Variants in DNAH3 observed in about 807,000 individuals in gnomAD.
The protein encoded by DNAH3 is dynein axonemal heavy chain 3.
In DNAH3, 332 loss-of-function variants were observed where a neutral mutation model predicts 432.5. The observed-to-expected ratio is 0.77, with a 90% confidence interval of 0.70 to 0.84. The LOEUF is 0.84. Ranked by LOEUF, DNAH3 falls within the 40% of genes least tolerant of loss-of-function variation. The probability of loss-of-function intolerance (pLI) is 0.00; values close to 1 mark genes in which losing one functional copy is unlikely to be tolerated. For missense variants in DNAH3, 4,861 were observed against 5,114.0 expected, an observed-to-expected ratio of 0.95 and a Z score of 1.51; for synonymous variants, 1,956 against 1,900.2, an observed-to-expected ratio of 1.03 and a Z score of -0.76.
Position 21,070,766 on chromosome 16 carries a change from T to A in DNAH3, c.3145A>T (p.Lys1049Ter). Residue 1049 changes from lysine (K) to a stop codon, truncating the protein, a stop_gained, in exon 22 of 62, where the codon AAG (lysine) becomes TAG (stop). Transcript: ENST00000261383. LOFTEE classifies it high-confidence loss of function. ...GGGGAGCCACACATGGTCTGGGTCT[T>A]TATCACGTGATCATCAAGTAGCATT... 6.2e-7 allele frequency: 1 copy of A among 1,613,714 alleles called. No individual in the cohort carries two copies. Among genetic ancestry groups the A allele is most frequent in the Non-Finnish European group, 8.5e-7 (1 of 1,179,626 alleles).
At chr16:20,985,285 C>T (rs2086134590) in exon 48 of DNAH3, 2 of 1,614,202 alleles carry the variant, frequency 1.2e-6, no homozygotes, top group Non-Finnish European at 1.7e-6. Context: ...GAACACGGTG[C>T]TCTTGGTGGC....
chr16:20,973,928 T>G (rs1597014498), intron 51 of DNAH3, among the ~76,000 whole-genome samples: 1 of 152,274 alleles, frequency 6.6e-6, no homozygotes, highest in African/African-American at 2.4e-5. Flanking sequence ...GTGCGGCTTA[T>G]GATTATTTAA....
At chr16:21,022,780 T>C (rs1693788882) in intron 39 of DNAH3, among the ~76,000 whole-genome samples, 2 of 151,970 alleles carry the variant, frequency 1.3e-5, no homozygotes, top group African/African-American at 4.8e-5. Flanking sequence ...AGTTTTGTTC[T>C]GTCACCAAGG....
At chr16:20,987,282 A>G in intron 47 of DNAH3, 23 bp downstream of exon 47, 1 of 1,612,254 alleles carries the variant, frequency 6.2e-7, no homozygotes, top group Middle Eastern at 1.7e-4. Flanking sequence ...TCTGAGGTCA[A>G]ATGATCACAG....
chr16:21,060,142 C>T (rs2090292627), intron 26 of DNAH3, 122 bp downstream of exon 26: 2 of 747,382 alleles, frequency 2.7e-6, no homozygotes, highest in South Asian at 3.2e-5. Context: ...AAGAGAGGTG[C>T]AGAGGGACAG....
intron 52 of DNAH3, among the ~76,000 whole-genome samples, chr16:20,968,700 A>C: frequency 6.8e-6 from 1 of 147,530 alleles, no homozygotes. Context: ...CTTCCTCTCC[A>C]TTGCCGTCTC....
chr16:21,143,044 A>G (rs1274664172), intron 3 of DNAH3, among the ~76,000 whole-genome samples: 2 of 152,234 alleles, frequency 1.3e-5, no homozygotes, highest in African/African-American at 2.4e-5. Context: ...AAGCAAGGAC[A>G]TGAATAACAG....
intron 14 of DNAH3, among the ~76,000 whole-genome samples, chr16:21,111,413 C>A (rs2092067948): frequency 6.6e-6 from 1 of 152,168 alleles, no homozygotes; most frequent in Non-Finnish European, 1.5e-5. Context: ...AACAAATGCC[C>A]TCCACCCGCC....
chr16:21,068,325 T>TGGGC (rs1251536368), intron 23 of DNAH3, among the ~76,000 whole-genome samples: 1 of 76,606 alleles, frequency 1.3e-5, no homozygotes. Context: ...TTTTTTTGGG[T>TGGGC]GGGGGGGGGG....
rs971926730 is a variant in DNAH3 at position 20,963,177 on chromosome 16, C to T, written c.10600+107G>A. ...CACCTCAGCCTATGAACCACCTGGC[C>T]TTCAAAGCCATCTGAACTTGAGATC... On this transcript the variant is annotated intron_variant, in intron 53 of 61. Coordinates refer to ENST00000261383, the Ensembl canonical transcript of DNAH3. 3 of 1,152,408 alleles carry T rather than the reference C, an allele frequency of 2.6e-6. No homozygotes were observed. The African/African-American group carries it at 4.7e-5, about 18-fold the overall frequency. 71.4% of individuals were successfully genotyped at this position (1,152,408 alleles called of 1,614,324 possible).
intron 58 of DNAH3, among the ~76,000 whole-genome samples, chr16:20,942,069 TAA>T (rs66695399): frequency 3.4e-4 from 42 of 125,022 alleles, no homozygotes; most frequent in Non-Finnish European, 2.8e-4. Context: ...GTCTAAAAGT[TAA>T]AAAAAAAAAA....
chr16:20,987,376 CCTT>C (rs770061639), exon 47 of DNAH3: 15 of 1,614,068 alleles, frequency 9.3e-6, no homozygotes, highest in Middle Eastern at 1.6e-4. Context: ...TGTCTGTCCT[CCTT>C]GTCAATCAGA....
intron 25 of DNAH3, among the ~76,000 whole-genome samples, chr16:21,061,812 A>G (rs2090371137): frequency 6.6e-6 from 1 of 152,218 alleles, no homozygotes; most frequent in South Asian, 2.1e-4. Flanking sequence ...GGAAATTCAA[A>G]TATGCCCCAA....
At chr16:20,983,268 G>C (rs1034780927) in intron 48 of DNAH3, among the ~76,000 whole-genome samples, 4 of 152,212 alleles carry the variant, frequency 2.6e-5, no homozygotes, top group South Asian at 2.1e-4. Flanking sequence ...TGGGACTATA[G>C]GCACCCACCA....
In DNAH3 at chr16:20,969,786, A is replaced by C; in HGVS notation, c.8458+6T>G. On this transcript the variant is annotated splice_donor_region_variant and intron_variant, in intron 52 of 61. Transcript: ENST00000261383. ...TGTGCAGGCATCTGGGTGGGGTGGCACTTACCGGAGCCACTGGGGTCTGGC... is the reference window on the plus strand; with the variant it reads ...TGTGCAGGCATCTGGGTGGGGTGGCCCTTACCGGAGCCACTGGGGTCTGGC... The C allele has an allele frequency of 6.2e-7, 1 of 1,613,982 alleles. No individual in the cohort carries two copies. The highest frequency in any genetic ancestry group is 8.5e-7 in the Non-Finnish European group (1 of 1,179,966).
chr16:20,940,109 G>A (rs900946001), intron 59 of DNAH3, among the ~76,000 whole-genome samples: 2 of 152,112 alleles, frequency 1.3e-5, no homozygotes, highest in Admixed American at 1.3e-4. Flanking sequence ...TTCACATATT[G>A]GATAAGTACA....
intron 42 of DNAH3, among the ~76,000 whole-genome samples, chr16:21,001,251 C>T (rs898132216): frequency 2.0e-5 from 3 of 152,208 alleles, no homozygotes; most frequent in Non-Finnish European, 2.9e-5. Flanking sequence ...TTGGACAGGG[C>T]ACCTGACCTT....
At chr16:20,988,187 G>T in intron 44 of DNAH3, 122 bp from the exon 45 acceptor site, 2 of 1,226,562 alleles carry the variant, frequency 1.6e-6, no homozygotes, top group Admixed American at 2.2e-5. Context: ...GCTGTGCTGT[G>T]CAATATGGCA....
At chr16:21,106,492 G>A (rs1223844276) in exon 15 of DNAH3, 12 of 1,586,808 alleles carry the variant, frequency 7.6e-6, no homozygotes, top group African/African-American at 4.0e-5. Flanking sequence ...GGACTTACAC[G>A]GCAAGTCTGC....
Sources: gnomAD v4.1 joint callset for allele counts (sites outside exome capture counted in the v4.1 genomes callset) on GRCh38, gnomAD v4.1.1 for gene constraint, MANE v1.5 for transcripts, NCBI Gene and HGNC (gene_info 2026-07-23, HGNC 2026-07-21) for gene names.